RAPGEF1: variants seen among roughly 807,000 people sequenced by gnomAD.
The protein encoded by RAPGEF1 is Rap guanine nucleotide exchange factor 1.
RAPGEF1 carries 33 observed loss-of-function variants against 143.3 expected under a neutral mutation model. The observed-to-expected ratio is 0.23, with a 90% CI of 0.17 to 0.31. The LOEUF is 0.31. RAPGEF1 is among the 10% of genes least tolerant of loss of function. The probability of loss-of-function intolerance (pLI) is 1.00; values close to 1 mark genes in which losing one functional copy is unlikely to be tolerated. For missense variants in RAPGEF1, 1,199 were observed against 1,645.4 expected (o/e 0.73, Z 4.69); for synonymous variants, 629 against 676.5 (o/e 0.93, Z 1.09).
At chr9:131,701,222 C>T (rs1834621455) in intron 1 of RAPGEF1, among the ~76,000 whole-genome samples, 1 of 152,130 alleles carries the variant, frequency 6.6e-6, no homozygotes, top group Non-Finnish European at 1.5e-5. Context: ...ATTTTACGCA[C>T]GTTCCCAGGG....
chr9:131,659,745 G>C (rs1272708340), intron 1 of RAPGEF1, among the ~76,000 whole-genome samples: 1 of 152,162 alleles, frequency 6.6e-6, no homozygotes, highest in Non-Finnish European at 1.5e-5. Flanking sequence ...ACCTCGTCAG[G>C]TCTCTGCCAA....
chr9:131,642,807 G>C (rs965126039), intron 4 of RAPGEF1, among the ~76,000 whole-genome samples: 1 of 152,222 alleles, frequency 6.6e-6, no homozygotes, highest in African/African-American at 2.4e-5. Flanking sequence ...CATGCAGATG[G>C]AGGCCCTGCT....
chr9:131,632,373 C>T (rs1335798980), intron 5 of RAPGEF1, among the ~76,000 whole-genome samples: 3 of 151,530 alleles, frequency 2.0e-5, no homozygotes, highest in South Asian at 2.1e-4. Flanking sequence ...GTGATCCGCC[C>T]GCCTCGGCCT....
At chr9:131,709,749 C>G in intron 1 of RAPGEF1, 1 of 1,609,992 alleles carries the variant, frequency 6.2e-7, no homozygotes. Context: ...AACTGAGGAC[C>G]GAGTCACTGG....
At chr9:131,637,138 T>A (rs1477385462) in intron 5 of RAPGEF1, among the ~76,000 whole-genome samples, 1 of 149,668 alleles carries the variant, frequency 6.7e-6, no homozygotes, top group Non-Finnish European at 1.5e-5. Context: ...GGCAGGAAAA[T>A]CACTTGAACC....
chr9:131,615,857 C>T (rs1958915158), intron 12 of RAPGEF1, among the ~76,000 whole-genome samples: 2 of 152,186 alleles, frequency 1.3e-5, no homozygotes, highest in African/African-American at 4.8e-5. Flanking sequence ...GCTCCGCCAC[C>T]CACAAGGTTT....
intron 1 of RAPGEF1, among the ~76,000 whole-genome samples, chr9:131,733,313 C>T (rs1021589477): frequency 7.2e-6 from 1 of 138,668 alleles, no homozygotes; most frequent in Non-Finnish European, 1.5e-5. Flanking sequence ...CAAACCTGAA[C>T]GTTCAGCACA....
chr9:131,586,841 AAC>A lies in RAPGEF1; in HGVS notation c.3233+893_3233+894del, dbSNP rs71374111. Among the ~76,000 whole-genome samples, 134 of 25,532 alleles carry A rather than the reference AAC, an allele frequency of 5.2e-3. 9 individuals are homozygous for A. The highest frequency in any genetic ancestry group is 0.013 in the East Asian group (16 of 1,226). 16.7% of individuals were successfully genotyped at this position (25,532 alleles called of 152,430 possible). On this transcript the variant is annotated intron_variant, in intron 22 of 26. Transcript: ENST00000683357. ...ACCTGCAGAGCGAGACTCCGTCTCA[AAC>A]ACACACACACACACACACACACCTG...
intron 1 of RAPGEF1, among the ~76,000 whole-genome samples, chr9:131,713,471 G>A (rs975384314): frequency 6.6e-6 from 1 of 152,168 alleles, no homozygotes; most frequent in Non-Finnish European, 1.5e-5. Context: ...ATGACCAGAG[G>A]AGGCAGGAGG....
chr9:131,639,454 G>A (rs1177517926), intron 4 of RAPGEF1, among the ~76,000 whole-genome samples: 1 of 151,880 alleles, frequency 6.6e-6, no homozygotes, highest in Non-Finnish European at 1.5e-5. Context: ...GTGTGTGTGT[G>A]TGTGTGTGTG....
chr9:131,647,711 C>T (rs1349745208), intron 3 of RAPGEF1, among the ~76,000 whole-genome samples: 7 of 152,220 alleles, frequency 4.6e-5, no homozygotes, highest in East Asian at 1.9e-4. Flanking sequence ...ACTTGTCCCA[C>T]GCAGGTGGCT....
At chr9:131,596,034 T>C (rs1018516140) in intron 17 of RAPGEF1, among the ~76,000 whole-genome samples, 1 of 152,226 alleles carries the variant, frequency 6.6e-6, no homozygotes, top group Admixed American at 6.5e-5. Context: ...GCGCTTAGTA[T>C]GCGCTGAGCC....
rs1235305274 is a variant in RAPGEF1, at chr9:131,667,004, T to C, written c.62-16055A>G. ...CTGCTCGCCTTCAAAGCATTCTTTT[T>C]TTTGGAGACAGAGTCTCACTCTGTC... On this transcript the variant is annotated intron_variant, in intron 1 of 26. Transcript: ENST00000683357. This position sits in a 1 kb window ranked among gnomAD's most constrained non-coding sequence, Gnocchi z 4.6. Among the ~76,000 whole-genome samples the C allele has an allele frequency of 4.6e-5, 7 of 151,680 alleles. No homozygotes were observed. The highest frequency in any genetic ancestry group is 4.2e-4 in the South Asian group (2 of 4,816).
intron 1 of RAPGEF1, among the ~76,000 whole-genome samples, chr9:131,703,841 A>AT (rs1220421409): frequency 3.3e-5 from 5 of 152,210 alleles, no homozygotes; most frequent in African/African-American, 4.8e-5. Flanking sequence ...ACCATCAGGC[A>AT]TGCGATACCT....
intron 1 of RAPGEF1, among the ~76,000 whole-genome samples, chr9:131,698,243 A>C (rs540348538): frequency 6.6e-6 from 1 of 152,294 alleles, no homozygotes; most frequent in South Asian, 2.1e-4. Context: ...CATGCCTAAC[A>C]AGCAAAGGGA....
intron 9 of RAPGEF1, among the ~76,000 whole-genome samples, chr9:131,627,213 C>CAAAAAAAAA (rs10690802): frequency 2.1e-5 from 2 of 97,416 alleles, no homozygotes; most frequent in Non-Finnish European, 3.8e-5. Context: ...GGCTCTGTCT[C>CAAAAAAAAA]AAAAAAAAAA....
At chr9:131,708,529 G>C (rs543582189) in intron 1 of RAPGEF1, among the ~76,000 whole-genome samples, 1 of 152,182 alleles carries the variant, frequency 6.6e-6, no homozygotes, top group Non-Finnish European at 1.5e-5. Context: ...GACAGAGTAG[G>C]TGTTAAGAGA....
chr9:131,585,698 T>C (rs901885626), intron 22 of RAPGEF1, among the ~76,000 whole-genome samples: 87 of 151,860 alleles, frequency 5.7e-4, no homozygotes, highest in Non-Finnish European at 3.7e-4. Context: ...AAACGGGAGA[T>C]GATCTCGGGG....
chr9:131,697,050 T>C (rs1358985651), intron 1 of RAPGEF1, among the ~76,000 whole-genome samples: 3 of 152,240 alleles, frequency 2.0e-5, no homozygotes, highest in Non-Finnish European at 1.5e-5. Flanking sequence ...GATACATAAG[T>C]AGCGGGGCTA....
Sources: allele counts gnomAD v4.1 joint callset (sites outside exome capture counted in the v4.1 genomes callset), GRCh38; gene constraint gnomAD v4.1.1; non-coding constraint Gnocchi (gnomAD v3.1); transcripts MANE v1.5; gene names NCBI Gene and HGNC (gene_info 2026-07-23, HGNC 2026-07-21).